LGR4: variants seen among roughly 807,000 people sequenced by gnomAD.
The protein encoded by LGR4 is leucine rich repeat containing G protein-coupled receptor 4.
LGR4 carries 44 observed loss-of-function variants against 84.8 expected under a neutral mutation model. That is an observed-to-expected ratio of 0.52 (90% CI 0.41 to 0.67). The LOEUF (loss-of-function observed/expected upper bound fraction) is 0.67. LGR4 is among the 30% of genes least tolerant of loss of function. LGR4 has a pLI of 0.00. For synonymous variants in LGR4, 429 were observed against 434.3 expected, an observed-to-expected ratio of 0.99 and a Z score of 0.15; for missense variants, 1,032 against 1,131.4, an observed-to-expected ratio of 0.91 and a Z score of 1.26.
chr11:27,472,328 C>A lies in LGR4; in HGVS notation c.-26G>T, dbSNP rs1864894662. The A allele has an allele frequency of 1.7e-6, 2 of 1,196,468 alleles. No homozygotes were observed. The highest frequency in any genetic ancestry group is 3.2e-5 in the African/African-American group (2 of 62,722). The allele number at this position is 1,196,468 out of a possible 1,614,324, so 74.1% of individuals were successfully genotyped here. ...TGCTGCGGCCGCCTCCCGCGCCGGCCTCTCCCGCGGCGCTGCTCGCTCCGC... is the reference window on the plus strand; with the variant it reads ...TGCTGCGGCCGCCTCCCGCGCCGGCATCTCCCGCGGCGCTGCTCGCTCCGC... On this transcript the variant is annotated 5_prime_UTR_variant, in exon 1 of 18. In the 5' UTR this introduces an upstream ATG that the reference lacks. Coordinates refer to ENST00000379214, the MANE Select transcript of LGR4 (RefSeq NM_018490.5).
intron 1 of LGR4, among the ~76,000 whole-genome samples, chr11:27,435,812 G>A (rs1368166266): frequency 6.6e-6 from 1 of 151,838 alleles, no homozygotes; most frequent in South Asian, 2.1e-4. Flanking sequence ...AATGCATCTA[G>A]TGCCAGGCTG....
At chr11:27,406,716 G>A (rs1020188039) in intron 2 of LGR4, among the ~76,000 whole-genome samples, 1 of 152,098 alleles carries the variant, frequency 6.6e-6, no homozygotes, top group African/African-American at 2.4e-5. Context: ...CGTGATCTTT[G>A]CTACCAAGTC....
intron 2 of LGR4, among the ~76,000 whole-genome samples, chr11:27,401,106 C>G (rs75149022): frequency 0.091 from 13,825 of 152,096 alleles, 834 homozygotes; most frequent in African/African-American, 0.16. Context: ...TATGGAAATT[C>G]TCAAGGTTTT....
At chr11:27,402,909 G>A (rs1008600954) in intron 2 of LGR4, among the ~76,000 whole-genome samples, 8 of 152,124 alleles carry the variant, frequency 5.3e-5, no homozygotes, top group African/African-American at 1.9e-4. Context: ...AACAACTACA[G>A]AGCAGAATGT....
intron 10 of LGR4, among the ~76,000 whole-genome samples, chr11:27,379,644 C>G (rs1863054446): frequency 6.6e-6 from 1 of 152,174 alleles, no homozygotes. Flanking sequence ...CAGGCCCCAA[C>G]TGACTGTCTG....
In LGR4 at chr11:27,373,807, C is replaced by T. The variant is rs35669417; in HGVS notation, c.1254-131G>A. The T allele has an allele frequency of 7.8e-3, 8,080 of 1,030,026 alleles. 47 individuals carry two copies. The highest frequency in any genetic ancestry group is 0.011 in the Non-Finnish European group (7,369 of 699,702). The allele number at this position is 1,030,026 out of a possible 1,614,324, so 63.8% of individuals were successfully genotyped here. ...AAGTGGGGGTGCTAAAATTATAGTT[C>T]TAGCATGTATCTTGCCGTTTAAGAA... On this transcript the variant is annotated intron_variant, in intron 14 of 17. Transcript: ENST00000379214.
At chr11:27,425,145 T>G (rs1357414238) in intron 1 of LGR4, among the ~76,000 whole-genome samples, 1 of 152,166 alleles carries the variant, frequency 6.6e-6, no homozygotes, top group Non-Finnish European at 1.5e-5. Context: ...AACTTCGATA[T>G]GTTGACAATC....
At chr11:27,429,590 G>A (rs549224285) in intron 1 of LGR4, among the ~76,000 whole-genome samples, 1 of 152,194 alleles carries the variant, frequency 6.6e-6, no homozygotes, top group South Asian at 2.1e-4. Flanking sequence ...AGGATAGAAA[G>A]TGTTCTGCTG....
chr11:27,452,578 G>T (rs933681438), intron 1 of LGR4, among the ~76,000 whole-genome samples: 2 of 114,464 alleles, frequency 1.7e-5, no homozygotes, highest in East Asian at 3.3e-4. Context: ...CTATAATTTT[G>T]TCATTTATAG....
chr11:27,386,439 T>C (rs941021952), intron 4 of LGR4, among the ~76,000 whole-genome samples: 2 of 152,226 alleles, frequency 1.3e-5, no homozygotes, highest in African/African-American at 4.8e-5. Flanking sequence ...CTTACATTCA[T>C]GCCTCACAGC....
chr11:27,374,383 A>G (rs1376307867), intron 13 of LGR4, among the ~76,000 whole-genome samples: 1 of 152,222 alleles, frequency 6.6e-6, no homozygotes. Context: ...GGAAAAGCTC[A>G]GTTTCTGAAA....
At chr11:27,426,407 T>C (rs1206062030) in intron 1 of LGR4, among the ~76,000 whole-genome samples, 1 of 152,206 alleles carries the variant, frequency 6.6e-6, no homozygotes, top group Non-Finnish European at 1.5e-5. Flanking sequence ...CTAATTTTTC[T>C]TCCTCAAAAT....
chr11:27,391,205 T>C lies in LGR4; in HGVS notation c.330-40A>G, dbSNP rs748013374. The C allele has an allele frequency of 1.3e-5, 13 of 1,023,744 alleles. No individual in the cohort carries two copies. The East Asian group carries it at 3.1e-4, about 24-fold the overall frequency. The allele number at this position is 1,023,744 out of a possible 1,614,324, so 63.4% of individuals were successfully genotyped here. On this transcript the variant is annotated intron_variant, in intron 3 of 17. Coordinates refer to ENST00000379214, the MANE Select transcript of LGR4 (RefSeq NM_018490.5). The stretch of plus-strand genomic sequence containing the variant: ...TTGGTTAGTGAGTAACAAGTGATAG[T>C]TACCATTTTTTCTTAGAAAAATTCA...
intron 1 of LGR4, among the ~76,000 whole-genome samples, chr11:27,414,881 T>C (rs1211134200): frequency 1.3e-5 from 2 of 152,158 alleles, no homozygotes; most frequent in Admixed American, 6.6e-5. Flanking sequence ...CATGATATAC[T>C]GTCACCTTTA....
At chr11:27,369,200 G>C in intron 17 of LGR4, 57 bp from the exon 18 acceptor site, 1 of 1,350,546 alleles carries the variant, frequency 7.4e-7, no homozygotes, top group South Asian at 1.5e-5. Flanking sequence ...AAACAATTTA[G>C]AAAATGATAT....
chr11:27,459,310 C>T (rs550923652), intron 1 of LGR4, among the ~76,000 whole-genome samples: 6 of 152,230 alleles, frequency 3.9e-5, no homozygotes, highest in African/African-American at 1.4e-4. Flanking sequence ...AAACTAGAAA[C>T]TCAGGCTCGA....
chr11:27,396,963 C>A (rs1048900292), intron 2 of LGR4, among the ~76,000 whole-genome samples: 2 of 152,168 alleles, frequency 1.3e-5, no homozygotes, highest in African/African-American at 4.8e-5. Context: ...GGTTTCAACC[C>A]ATCCACTCTT....
chr11:27,429,138 G>A (rs959493694), intron 1 of LGR4, among the ~76,000 whole-genome samples: 2 of 151,970 alleles, frequency 1.3e-5, no homozygotes, highest in South Asian at 4.1e-4. Context: ...ATAAAGAGGA[G>A]AAAAATAAAG....
At position 27,472,141 on chromosome 11, in the gene LGR4, C is replaced by A. The variant is rs770365179; in HGVS notation, c.162G>T (p.Gly54=). The A allele has an allele frequency of 2.1e-6, 3 of 1,399,000 alleles. No homozygotes were observed. The highest frequency in any genetic ancestry group is 5.8e-5 in the Admixed American group (2 of 34,336). 86.7% of individuals were successfully genotyped at this position (1,399,000 alleles called of 1,614,324 possible). The change falls in exon 1 of 18, where the codon GGG becomes GGT. Residue 54 remains glycine, a synonymous_variant. Transcript: ENST00000379214. ...ACAGCGCTTGGGTGAAGGCGCTGAG[C>A]CCCTCGGGCACGGCCGTCAGCCCCT... ...SGKGLTAVPE[G]LSAFTQALDI...
Sources: allele counts gnomAD v4.1 joint callset (sites outside exome capture counted in the v4.1 genomes callset), GRCh38; gene constraint gnomAD v4.1.1; transcripts MANE v1.5; gene names NCBI Gene and HGNC (gene_info 2026-07-23, HGNC 2026-07-21).